Variants in NELL2 observed in about 807,000 individuals in gnomAD.
NELL2 encodes the protein neural EGFL like 2.
A neutral mutation model predicts 109.6 loss-of-function variants in NELL2; 41 were observed. The ratio of observed to expected loss-of-function variants is 0.37; its 90% CI spans 0.29 to 0.49. The LOEUF (loss-of-function observed/expected upper bound fraction) is 0.49. NELL2 is among the 20% of genes least tolerant of loss of function. The pLI, the probability that NELL2 is intolerant of heterozygous loss-of-function variation, is 0.98. For missense variants in NELL2, 900 were observed against 1,008.3 expected (o/e 0.89, Z 1.45); for synonymous variants, 355 against 344.7 (o/e 1.03, Z -0.33).
intron 12 of NELL2, among the ~76,000 whole-genome samples, chr12:44,690,294 T>A (rs1449207073): frequency 6.6e-6 from 1 of 152,292 alleles, no homozygotes; most frequent in Non-Finnish European, 1.5e-5. Context: ...CAGTTGAGCA[T>A]ATAGCTGAAA....
chr12:44,782,837 C>A (rs1265765876), intron 3 of NELL2, among the ~76,000 whole-genome samples: 1 of 151,824 alleles, frequency 6.6e-6, no homozygotes, highest in Admixed American at 6.6e-5. Context: ...ATTATTTGAA[C>A]AACTAGCCAA....
intron 9 of NELL2, among the ~76,000 whole-genome samples, chr12:44,719,025 C>A (rs1482006972): frequency 6.6e-6 from 1 of 152,120 alleles, no homozygotes; most frequent in Admixed American, 6.6e-5. Context: ...TCTACCAAGG[C>A]TATCTTAAAC....
At chr12:44,819,879 C>A (rs1043297153) in intron 2 of NELL2, among the ~76,000 whole-genome samples, 1 of 152,138 alleles carries the variant, frequency 6.6e-6, no homozygotes, top group African/African-American at 2.4e-5. Context: ...TGACTAAGTT[C>A]ATTGCACAAA....
chr12:44,826,938 A>G (rs1248417889), intron 2 of NELL2, among the ~76,000 whole-genome samples: 2 of 152,202 alleles, frequency 1.3e-5, no homozygotes, highest in Non-Finnish European at 2.9e-5. Flanking sequence ...ATTGCACTTG[A>G]TCTTAGAATC....
chr12:44,651,337 A>G (rs1490552077), intron 13 of NELL2, among the ~76,000 whole-genome samples: 1 of 152,232 alleles, frequency 6.6e-6, no homozygotes, highest in Non-Finnish European at 1.5e-5. Context: ...AAAATCCAGT[A>G]TTCAATAGTT....
At chr12:44,621,897 C>T (rs932536648) in intron 13 of NELL2, among the ~76,000 whole-genome samples, 1 of 152,056 alleles carries the variant, frequency 6.6e-6, no homozygotes, top group Non-Finnish European at 1.5e-5. Context: ...CTGGAAAGCA[C>T]TGAGAATAAT....
chr12:44,706,655 A>G (rs7954476), intron 11 of NELL2, among the ~76,000 whole-genome samples: 9,454 of 152,274 alleles, frequency 0.062, 973 homozygotes, highest in African/African-American at 0.21. Flanking sequence ...ATGTAAAAGC[A>G]TAATAATATA....
At chr12:44,868,746 G>A (rs1945080173) in intron 2 of NELL2, among the ~76,000 whole-genome samples, 1 of 152,182 alleles carries the variant, frequency 6.6e-6, no homozygotes, top group Non-Finnish European at 1.5e-5. Flanking sequence ...ATGGGGGATA[G>A]TTGTTGGGGA....
intron 9 of NELL2, among the ~76,000 whole-genome samples, chr12:44,735,283 A>T (rs1303970747): frequency 6.6e-6 from 1 of 152,062 alleles, no homozygotes; most frequent in Non-Finnish European, 1.5e-5. Context: ...GTTTCCTTGG[A>T]TGCCTAGTAG....
At chr12:44,757,542 A>G (rs936415273) in intron 9 of NELL2, among the ~76,000 whole-genome samples, 10 of 152,198 alleles carry the variant, frequency 6.6e-5, no homozygotes, top group African/African-American at 1.9e-4. Flanking sequence ...CTAGAAAGAT[A>G]CAATATACCA....
intron 2 of NELL2, among the ~76,000 whole-genome samples, chr12:44,816,927 A>T (rs1355387257): frequency 6.6e-6 from 1 of 152,238 alleles, no homozygotes; most frequent in Non-Finnish European, 1.5e-5. Flanking sequence ...CCTATCATTC[A>T]AGCAATGTGC....
At chr12:44,684,977 G>A (rs1485954273) in intron 12 of NELL2, among the ~76,000 whole-genome samples, 60 of 151,968 alleles carry the variant, frequency 3.9e-4, no homozygotes, top group Non-Finnish European at 7.1e-4. Flanking sequence ...TATCCTTGTT[G>A]ACTTTCTGTC....
At chr12:44,558,832 A>C (rs1477131897) in intron 15 of NELL2, among the ~76,000 whole-genome samples, 1 of 152,082 alleles carries the variant, frequency 6.6e-6, no homozygotes, top group Non-Finnish European at 1.5e-5. Flanking sequence ...AGAACCGTTC[A>C]CTACCCTGGA....
intron 15 of NELL2, among the ~76,000 whole-genome samples, chr12:44,583,424 A>G (rs1283735921): frequency 6.6e-6 from 1 of 152,234 alleles, no homozygotes; most frequent in East Asian, 1.9e-4. Flanking sequence ...AGTAAAACTT[A>G]TGAGAGCAGA....
chr12:44,689,951 A>G (rs1948849327), intron 12 of NELL2, among the ~76,000 whole-genome samples: 1 of 152,248 alleles, frequency 6.6e-6, no homozygotes, highest in Non-Finnish European at 1.5e-5. Flanking sequence ...AGATCGAATA[A>G]TTCATCTTTC....
intron 2 of NELL2, among the ~76,000 whole-genome samples, chr12:44,866,780 A>G (rs2136822600): frequency 6.6e-6 from 1 of 152,220 alleles, no homozygotes; most frequent in African/African-American, 2.4e-5. Flanking sequence ...AAAATCAGAA[A>G]TGAAAGAAGA....
intron 13 of NELL2, among the ~76,000 whole-genome samples, chr12:44,657,783 C>T (rs1165239496): frequency 6.6e-6 from 1 of 152,148 alleles, no homozygotes; most frequent in Non-Finnish European, 1.5e-5. Flanking sequence ...TCCAGCTTCA[C>T]CCATGTCCCT....
At position 44,875,529 on chromosome 12, in the gene NELL2, A is replaced by G. The variant is rs767224537; in HGVS notation, c.56-176T>C. On this transcript the variant is annotated intron_variant, in intron 1 of 19. Transcript: ENST00000429094. ...TACCTGAGATCAGCAGCCAAGCTTT[A>G]AATAGCGGAGCACCCAGTCCCGTTT... is the stretch of plus-strand genomic sequence containing the variant. 3.1e-6 allele frequency: 5 copies of G among 1,613,816 alleles called. No homozygotes were observed. The South Asian group carries it at 5.5e-5, about 18-fold the overall frequency.
chr12:44,858,777 T>C (rs952263835), intron 2 of NELL2, among the ~76,000 whole-genome samples: 2 of 152,166 alleles, frequency 1.3e-5, no homozygotes, highest in African/African-American at 2.4e-5. Flanking sequence ...ATAAAAGCAA[T>C]GTAAGCAAGT....
Sources: gnomAD v4.1 joint callset for allele counts (sites outside exome capture counted in the v4.1 genomes callset) on GRCh38, gnomAD v4.1.1 for gene constraint, MANE v1.5 for transcripts, NCBI Gene and HGNC (gene_info 2026-07-23, HGNC 2026-07-21) for gene names.